COL28A1: variants seen among roughly 807,000 people sequenced by gnomAD.
COL28A1 encodes the protein collagen type XXVIII alpha 1 chain.
In COL28A1, 161 loss-of-function variants were observed where a neutral mutation model predicts 150.2. That is an observed-to-expected ratio of 1.07 (90% CI 0.94 to 1.22). The LOEUF is 1.22. COL28A1 is among the 50% of genes most tolerant of loss of function. The pLI is 0.00. For missense variants in COL28A1, 1,617 were observed against 1,388.3 expected (o/e 1.16, Z -2.62); for synonymous variants, 552 against 469.7 (o/e 1.18, Z -2.26).
intron 18 of COL28A1, among the ~76,000 whole-genome samples, chr7:7,447,733 A>G (rs1353079482): frequency 6.6e-6 from 1 of 152,218 alleles, no homozygotes; most frequent in African/African-American, 2.4e-5. Flanking sequence ...AAAGCTGATT[A>G]GTGTCATGGA....
intron 1 of COL28A1, among the ~76,000 whole-genome samples, chr7:7,533,281 G>A (rs1440125029): frequency 6.6e-6 from 1 of 151,932 alleles, no homozygotes; most frequent in East Asian, 1.9e-4. Flanking sequence ...AATTCTTCAG[G>A]GGGAATTCAG....
intron 27 of COL28A1, among the ~76,000 whole-genome samples, chr7:7,395,765 G>T (rs1403623157): frequency 6.6e-6 from 1 of 152,074 alleles, no homozygotes; most frequent in Non-Finnish European, 1.5e-5. Context: ...ACTTTTTCAT[G>T]GCCCCCAAAA....
chr7:7,345,514 A>AT, the COL28A1 span, among the ~76,000 whole-genome samples: 1 of 152,002 alleles, frequency 6.6e-6, no homozygotes, highest in Non-Finnish European at 1.5e-5. Flanking sequence ...TTCCTATACC[A>AT]TTTTTTATAG....
At chr7:7,375,989 T>C (rs1781520424) in intron 30 of COL28A1, among the ~76,000 whole-genome samples, 1 of 152,140 alleles carries the variant, frequency 6.6e-6, no homozygotes, top group African/African-American at 2.4e-5. Flanking sequence ...CTGTACTAGT[T>C]CCTGATTTTT....
At position 7,458,281 on chromosome 7, in the gene COL28A1, T is replaced by A. The variant is rs1245076206; in HGVS notation, c.1303-2169A>T. Among the ~76,000 whole-genome samples, 3 of 152,064 alleles carry A rather than the reference T, an allele frequency of 2.0e-5. No homozygotes were observed. In the East Asian group the frequency reaches 5.8e-4, roughly 29 times the overall value. On this transcript the variant is annotated intron_variant, in intron 15 of 34. Transcript: ENST00000399429. The stretch of plus-strand genomic sequence containing the variant: ...AAAATACAAAATTAGCTGGGCATGG[T>A]GGCACATGCCTGTAATCCCAGCTAC...
intron 27 of COL28A1, among the ~76,000 whole-genome samples, chr7:7,390,848 C>A (rs756685547): frequency 5.3e-5 from 8 of 152,136 alleles, no homozygotes; most frequent in Non-Finnish European, 8.8e-5. Context: ...TCCCCTTTAT[C>A]ATTTTTTATT....
the COL28A1 span, among the ~76,000 whole-genome samples, chr7:7,338,551 A>G: frequency 6.6e-6 from 1 of 152,110 alleles, no homozygotes; most frequent in Non-Finnish European, 1.5e-5. Context: ...TTGTATCCTG[A>G]AACTTTACTG....
intron 34 of COL28A1, 89 bp downstream of exon 34, chr7:7,360,301 A>T: frequency 7.9e-7 from 1 of 1,266,760 alleles, no homozygotes; most frequent in Non-Finnish European, 1.1e-6. Context: ...ATACAGTAGC[A>T]GATTGGCAGA....
chr7:7,416,146 A>G (rs140787269), intron 27 of COL28A1, among the ~76,000 whole-genome samples: 67 of 152,328 alleles, frequency 4.4e-4, no homozygotes, highest in African/African-American at 1.6e-3. Context: ...CTCACTGCTA[A>G]GCAGCATCAG....
intron 15 of COL28A1, among the ~76,000 whole-genome samples, chr7:7,473,872 TTATA>T (rs913581488): frequency 4.0e-5 from 6 of 151,236 alleles, no homozygotes; most frequent in Non-Finnish European, 7.4e-5. Flanking sequence ...TAGTGTGTGT[TTATA>T]TATAGTGTGT....
chr7:7,493,849 A>AACACAC (rs3040237), intron 11 of COL28A1, among the ~76,000 whole-genome samples: 1 of 150,604 alleles, frequency 6.6e-6, no homozygotes, highest in African/African-American at 2.4e-5. Context: ...AGCCCTTAGC[A>AACACAC]ACACACACAC....
intron 18 of COL28A1, among the ~76,000 whole-genome samples, chr7:7,446,099 C>T (rs1458290617): frequency 6.6e-6 from 1 of 152,058 alleles, no homozygotes; most frequent in East Asian, 1.9e-4. Flanking sequence ...CTCAGGTGAT[C>T]CGCCTGCCTC....
intron 10 of COL28A1, among the ~76,000 whole-genome samples, chr7:7,506,758 T>C (rs939995890): frequency 3.3e-5 from 5 of 152,210 alleles, no homozygotes; most frequent in African/African-American, 1.2e-4. Flanking sequence ...TGCATAACTT[T>C]TCCAACTACA....
chr7:7,520,162 T>C, intron 5 of COL28A1, 47 bp from the exon 6 acceptor site: 1 of 844,952 alleles, frequency 1.2e-6, no homozygotes, highest in Non-Finnish European at 2.0e-6. Context: ...AATTCTATTG[T>C]TTTCTATACT....
the COL28A1 span, among the ~76,000 whole-genome samples, chr7:7,340,240 C>A: frequency 6.6e-6 from 1 of 152,160 alleles, no homozygotes; most frequent in Non-Finnish European, 1.5e-5. Context: ...TTTGGTAATA[C>A]AAGTTTTAAA....
chr7:7,471,991 T>A (rs1263811040), intron 15 of COL28A1, among the ~76,000 whole-genome samples: 1 of 152,168 alleles, frequency 6.6e-6, no homozygotes, highest in Non-Finnish European at 1.5e-5. Context: ...ATTAAAGCTC[T>A]CAGCAAAATT....
At chr7:7,429,647 G>T (rs931410218) in intron 25 of COL28A1, among the ~76,000 whole-genome samples, 4 of 152,054 alleles carry the variant, frequency 2.6e-5, no homozygotes, top group African/African-American at 9.7e-5. Flanking sequence ...TATGATCCAA[G>T]TTCCCTTGAT....
intron 18 of COL28A1, 145 bp from the exon 19 acceptor site, chr7:7,444,634 G>C: frequency 2.7e-6 from 2 of 746,826 alleles, no homozygotes; most frequent in Non-Finnish European, 4.2e-6. Flanking sequence ...ATCTTGGGAA[G>C]CTACTTAACA....
chr7:7,484,181 A>T (rs901011332), intron 13 of COL28A1, among the ~76,000 whole-genome samples: 6 of 152,174 alleles, frequency 3.9e-5, no homozygotes, highest in Non-Finnish European at 5.9e-5. Flanking sequence ...AAATCTAAAG[A>T]ATAAAAAAAA....
Sources: allele counts gnomAD v4.1 joint callset (sites outside exome capture counted in the v4.1 genomes callset), GRCh38; gene constraint gnomAD v4.1.1; transcripts MANE v1.5; gene names NCBI Gene and HGNC (gene_info 2026-07-23, HGNC 2026-07-21).